Variants in ANKH observed in about 807,000 individuals in gnomAD.
ANKH encodes mineralization regulator ANKH.
A neutral mutation model predicts 49.0 loss-of-function variants in ANKH; 15 were observed. The ratio of observed to expected loss-of-function variants is 0.31; its 90% CI spans 0.20 to 0.47. The LOEUF is 0.47. ANKH is among the 20% of genes least tolerant of loss of function. The probability of loss-of-function intolerance (pLI) is 1.00; values close to 1 mark genes in which losing one functional copy is unlikely to be tolerated. For missense variants in ANKH, 429 were observed against 652.0 expected (o/e 0.66, Z 3.72); for synonymous variants, 273 against 260.0 (o/e 1.05, Z -0.48).
chr5:14,729,344 C>T (rs959617429), intron 8 of ANKH, among the ~76,000 whole-genome samples: 6 of 151,306 alleles, frequency 4.0e-5, no homozygotes, highest in Admixed American at 6.6e-5. Context: ...TGTGCCACCA[C>T]GCCCCACTAC....
chr5:14,835,966 T>C (rs569379163), intron 1 of ANKH, among the ~76,000 whole-genome samples: 11 of 152,204 alleles, frequency 7.2e-5, no homozygotes, highest in African/African-American at 2.6e-4. Context: ...GTTCAACATA[T>C]GCAAATCAAT....
At chr5:14,768,826 A>G in intron 2 of ANKH, 149 bp downstream of exon 2, 5 of 848,658 alleles carry the variant, frequency 5.9e-6, no homozygotes, top group Non-Finnish European at 9.7e-6. Context: ...TAGGAGCACA[A>G]GCGCTTTCCT....
At chr5:14,825,798 T>C (rs1009140694) in intron 1 of ANKH, 1 of 152,236 alleles carries the variant, frequency 6.6e-6, no homozygotes, top group African/African-American at 2.4e-5. Flanking sequence ...GTTGTCCGTG[T>C]ACAGGGGCTC....
chr5:14,856,905 G>C (rs888768613), intron 1 of ANKH, among the ~76,000 whole-genome samples: 1 of 151,984 alleles, frequency 6.6e-6, no homozygotes, highest in African/African-American at 2.4e-5. Flanking sequence ...CCATACCTAG[G>C]GTCTGGCATG....
chr5:14,736,587 TTC>T (rs1738191636), intron 8 of ANKH, among the ~76,000 whole-genome samples: 2 of 152,268 alleles, frequency 1.3e-5, no homozygotes, highest in South Asian at 2.1e-4. Context: ...TGCTCCAGTT[TTC>T]TCTGAGTCGT....
chr5:14,856,080 C>A (rs1735237141), intron 1 of ANKH, among the ~76,000 whole-genome samples: 1 of 151,944 alleles, frequency 6.6e-6, no homozygotes, highest in South Asian at 2.1e-4. Context: ...CTTTCGGAAG[C>A]CAAAGTGGGC....
rs111378592 is a variant in ANKH, at chr5:14,713,032, C to T, written c.1266-59G>A. 35 of 1,512,102 alleles carry T rather than the reference C, an allele frequency of 2.3e-5. No homozygotes were observed. The South Asian group carries it at 3.1e-4, about 13-fold the overall frequency. 93.7% of individuals were successfully genotyped at this position (1,512,102 alleles called of 1,614,324 possible). On this transcript the variant is annotated intron_variant, in intron 10 of 11. Transcript: ENST00000284268. This position sits in a 1 kb window ranked among gnomAD's most constrained non-coding sequence, Gnocchi z 4.4. ...TAAGGCCAAGTCAAGGCACAACCGT[C>T]GATGCCAAAACCCAGGAAAGTAAGT...
intron 11 of ANKH, among the ~76,000 whole-genome samples, chr5:14,711,946 C>G (rs1737228411): frequency 6.6e-6 from 1 of 152,246 alleles, no homozygotes; most frequent in Non-Finnish European, 1.5e-5. Context: ...CCTCTGTCTG[C>G]CAACCCCGCT....
At chr5:14,828,779 T>C (rs902166838) in intron 1 of ANKH, among the ~76,000 whole-genome samples, 1 of 152,194 alleles carries the variant, frequency 6.6e-6, no homozygotes, top group Non-Finnish European at 1.5e-5. Context: ...CCTTGCACTA[T>C]ATCCAAATCA....
intron 9 of ANKH, among the ~76,000 whole-genome samples, chr5:14,715,307 A>G (rs1028503553): frequency 1.3e-5 from 2 of 152,000 alleles, no homozygotes; most frequent in African/African-American, 4.8e-5. Flanking sequence ...AATTTTTTGT[A>G]TTTAGTAGAG....
chr5:14,860,819 G>A (rs559307593), intron 1 of ANKH, among the ~76,000 whole-genome samples: 97 of 152,116 alleles, frequency 6.4e-4, no homozygotes, highest in Non-Finnish European at 1.1e-3. Context: ...GGAGTGCTGC[G>A]ATGCCCAGGC....
intron 1 of ANKH, among the ~76,000 whole-genome samples, chr5:14,834,742 C>T (rs1445999288): frequency 6.6e-6 from 1 of 152,204 alleles, no homozygotes; most frequent in Non-Finnish European, 1.5e-5. Context: ...GATCGCGCCA[C>T]TACACTCCAG....
chr5:14,797,260 A>T, intron 1 of ANKH: 1 of 1,415,332 alleles, frequency 7.1e-7, no homozygotes, highest in South Asian at 1.2e-5. Context: ...GGATTCCAGG[A>T]GAAATCAGGT....
chr5:14,837,078 G>A (rs1470901232), intron 1 of ANKH, among the ~76,000 whole-genome samples: 2 of 152,178 alleles, frequency 1.3e-5, no homozygotes, highest in African/African-American at 4.8e-5. Context: ...GTAGAAAGCT[G>A]AAACTGGATC....
At chr5:14,755,061 C>CAAAA (rs71603737) in intron 4 of ANKH, among the ~76,000 whole-genome samples, 17,158 of 90,248 alleles carry the variant, frequency 0.19, 1,611 homozygotes, top group African/African-American at 0.3. Context: ...AACTCTGTCT[C>CAAAA]AAAAAAAAAA....
chr5:14,717,098 TTC>T (rs1432752145), intron 8 of ANKH: 63 of 448,812 alleles, frequency 1.4e-4, no homozygotes, highest in Middle Eastern at 1.3e-3. Context: ...GGTCATTTAT[TTC>T]TGAGTGGGTG....
At chr5:14,870,893 G>C in intron 1 of ANKH, 1 of 350,338 alleles carries the variant, frequency 2.9e-6, no homozygotes, top group South Asian at 2.2e-5. Context: ...TCCTTACCTG[G>C]ACTACGAAAC....
intron 1 of ANKH, among the ~76,000 whole-genome samples, chr5:14,862,929 G>A (rs1395939232): frequency 1.3e-5 from 2 of 152,212 alleles, no homozygotes; most frequent in African/African-American, 4.8e-5. Flanking sequence ...CCCAAAGGAA[G>A]CCACCAAAGT....
intron 1 of ANKH, among the ~76,000 whole-genome samples, chr5:14,809,032 T>C (rs1424085173): frequency 8.6e-6 from 1 of 116,304 alleles, no homozygotes; most frequent in Non-Finnish European, 1.7e-5. Flanking sequence ...ATGTCCTTTG[T>C]AGGGACATGG....
Sources: gnomAD v4.1 joint callset for allele counts (sites outside exome capture counted in the v4.1 genomes callset) on GRCh38, gnomAD v4.1.1 for gene constraint, Gnocchi (gnomAD v3.1) non-coding constraint, MANE v1.5 for transcripts, NCBI Gene and HGNC (gene_info 2026-07-23, HGNC 2026-07-21) for gene names.